Variants in SLC9A9 observed in about 807,000 individuals in gnomAD.
The protein encoded by SLC9A9 is solute carrier family 9 member A9.
In SLC9A9, 62 loss-of-function variants were observed where a neutral mutation model predicts 77.8. That is an observed-to-expected ratio of 0.80 (90% CI 0.65 to 0.98). The LOEUF (loss-of-function observed/expected upper bound fraction) is 0.98, where lower values mean the gene tolerates loss of function less well. SLC9A9 is among the 50% of genes least tolerant of loss of function. The pLI is 0.00. For missense variants in SLC9A9, 775 were observed against 774.9 expected (o/e 1.00, Z 0.00); for synonymous variants, 320 against 283.5 (o/e 1.13, Z -1.29).
chr3:143,541,464 C>T (rs1241011315), intron 9 of SLC9A9, among the ~76,000 whole-genome samples: 4 of 152,218 alleles, frequency 2.6e-5, no homozygotes, highest in African/African-American at 4.8e-5. Flanking sequence ...AAAGCTGATA[C>T]TCCTGGATTC....
chr3:143,847,670 C>T (rs2009858355), intron 1 of SLC9A9: 1 of 164,464 alleles, frequency 6.1e-6, no homozygotes, highest in Non-Finnish European at 1.3e-5. Context: ...ACAATATTCT[C>T]TTAAGAGGGG....
intron 12 of SLC9A9, among the ~76,000 whole-genome samples, chr3:143,385,447 A>C (rs2033401925): frequency 6.6e-6 from 1 of 152,182 alleles, no homozygotes; most frequent in Non-Finnish European, 1.5e-5. Context: ...GCTGACATAG[A>C]CATGCATGGC....
At chr3:143,444,052 C>G (rs979383204) in intron 12 of SLC9A9, among the ~76,000 whole-genome samples, 2 of 152,066 alleles carry the variant, frequency 1.3e-5, no homozygotes, top group African/African-American at 4.8e-5. Context: ...TTTTTATTTC[C>G]GTATTTAAAC....
chr3:143,345,164 A>G (rs2032223205), intron 14 of SLC9A9, among the ~76,000 whole-genome samples: 1 of 152,242 alleles, frequency 6.6e-6, no homozygotes, highest in African/African-American at 2.4e-5. Flanking sequence ...TTCCATCTAT[A>G]TGACTGAAGT....
chr3:143,407,779 C>T (rs1199941896), intron 12 of SLC9A9, among the ~76,000 whole-genome samples: 1 of 152,198 alleles, frequency 6.6e-6, no homozygotes, highest in Non-Finnish European at 1.5e-5. Context: ...TCAAAATTAA[C>T]TAAAGCAATG....
At chr3:143,612,992 C>A (rs900065723) in intron 6 of SLC9A9, among the ~76,000 whole-genome samples, 4 of 152,122 alleles carry the variant, frequency 2.6e-5, no homozygotes, top group Non-Finnish European at 4.4e-5. Flanking sequence ...ATGTGACAAA[C>A]AATTTGGAAA....
At chr3:143,786,431 G>A (rs2108851468) in intron 4 of SLC9A9, among the ~76,000 whole-genome samples, 1 of 152,130 alleles carries the variant, frequency 6.6e-6, no homozygotes, top group East Asian at 1.9e-4. Context: ...TATTCTTACT[G>A]CAACATCTTC....
In SLC9A9 at chr3:143,590,096, A is replaced by G. The variant is rs561761286; in HGVS notation, c.756-11373T>C. Among the ~76,000 whole-genome samples, 3 of 152,292 alleles carry G rather than the reference A, an allele frequency of 2.0e-5. No individual in the cohort carries two copies. The East Asian group carries it at 5.8e-4, about 29-fold the overall frequency. Reference sequence around the variant, plus strand: ...GGGTTTTAATATGAAACTATATCCCATATCTCCTGGCATTCATACCAACAC... The same window carrying G: ...GGGTTTTAATATGAAACTATATCCCGTATCTCCTGGCATTCATACCAACAC... On this transcript the variant is annotated intron_variant, in intron 6 of 15. Coordinates refer to ENST00000316549, the MANE Select transcript of SLC9A9 (RefSeq NM_173653.4).
intron 8 of SLC9A9, among the ~76,000 whole-genome samples, chr3:143,560,557 T>G (rs2037064192): frequency 1.3e-5 from 2 of 152,196 alleles, no homozygotes; most frequent in African/African-American, 4.8e-5. Flanking sequence ...GAAGTCATTT[T>G]AGTTTCAGAG....
intron 4 of SLC9A9, among the ~76,000 whole-genome samples, chr3:143,742,855 G>C (rs897243369): frequency 7.2e-5 from 11 of 152,054 alleles, no homozygotes; most frequent in Non-Finnish European, 1.6e-4. Flanking sequence ...GTTTGTAATG[G>C]AAACTCTTTG....
intron 14 of SLC9A9, among the ~76,000 whole-genome samples, chr3:143,280,447 T>C (rs911192740): frequency 6.6e-6 from 1 of 151,060 alleles, no homozygotes; most frequent in Non-Finnish European, 1.5e-5. Context: ...TAGGGTCACA[T>C]GTCACAAATC....
chr3:143,743,481 T>C (rs1935133384), intron 4 of SLC9A9, among the ~76,000 whole-genome samples: 2 of 152,082 alleles, frequency 1.3e-5, no homozygotes, highest in South Asian at 2.1e-4. Flanking sequence ...AGTCCTGCAG[T>C]CCAAGGGCCT....
chr3:143,846,834 T>C (rs565221545), intron 1 of SLC9A9, among the ~76,000 whole-genome samples: 15 of 152,286 alleles, frequency 9.8e-5, no homozygotes, highest in African/African-American at 3.6e-4. Context: ...TACATATGTA[T>C]ACATGTGCCA....
intron 9 of SLC9A9, among the ~76,000 whole-genome samples, chr3:143,512,899 C>T (rs62269768): frequency 1.8e-3 from 278 of 152,154 alleles, no homozygotes; most frequent in Middle Eastern, 3.4e-3. Flanking sequence ...CAAAACAAAG[C>T]AAACAAAAGA....
intron 12 of SLC9A9, among the ~76,000 whole-genome samples, chr3:143,447,563 C>T (rs2034867777): frequency 6.6e-6 from 1 of 152,050 alleles, no homozygotes; most frequent in Admixed American, 6.6e-5. Flanking sequence ...TAATGGTGTT[C>T]CTGCTAACTT....
In SLC9A9 at chr3:143,493,742, G is replaced by C. The variant is rs765355968; in HGVS notation, c.1226C>G (p.Ala409Gly). ...GAAGGAGAGGGGATATATGTTGCAG[G>C]CTCTGGCAACAAAAATTGCTAGCTG... Reference protein sequence around the residue: ...GAFLAIFVARACNIYPLSFLL... With the variant: ...GAFLAIFVARGCNIYPLSFLL... The change falls in exon 11 of 16, where the codon GCC becomes GGC. Residue 409 changes from alanine (A) to glycine (G), a missense_variant. Transcript: ENST00000316549. 5.0e-6 allele frequency: 8 copies of C among 1,613,976 alleles called. No individual in the cohort carries two copies. The highest frequency in any genetic ancestry group is 4.4e-5 in the South Asian group (4 of 91,078).
chr3:143,537,635 G>A (rs1211448896), intron 9 of SLC9A9, among the ~76,000 whole-genome samples: 1 of 152,214 alleles, frequency 6.6e-6, no homozygotes, highest in African/African-American at 2.4e-5. Flanking sequence ...TTTCAGAGAT[G>A]GTCCCTTAGA....
intron 14 of SLC9A9, among the ~76,000 whole-genome samples, chr3:143,276,714 A>G (rs1047208498): frequency 6.6e-6 from 1 of 152,160 alleles, no homozygotes; most frequent in African/African-American, 2.4e-5. Context: ...CACAACTCCT[A>G]TATGAGTCAG....
chr3:143,281,463 T>C (rs1938216565), intron 14 of SLC9A9, among the ~76,000 whole-genome samples: 1 of 152,114 alleles, frequency 6.6e-6, no homozygotes, highest in Admixed American at 6.5e-5. Context: ...TCCCACAGAA[T>C]TGGCCACATC....
Sources: allele counts gnomAD v4.1 joint callset (sites outside exome capture counted in the v4.1 genomes callset), GRCh38; gene constraint gnomAD v4.1.1; transcripts MANE v1.5; gene names NCBI Gene and HGNC (gene_info 2026-07-23, HGNC 2026-07-21).